Variants in HCFC1 observed in about 807,000 individuals in gnomAD.
HCFC1 encodes host cell factor 1.
HCFC1 carries 7 observed loss-of-function variants against 105.5 expected under a neutral mutation model. The observed-to-expected ratio is 0.07, with a 90% CI of 0.04 to 0.12. The LOEUF (loss-of-function observed/expected upper bound fraction) is 0.12, where lower values mean the gene tolerates loss of function less well. Ranked by LOEUF, HCFC1 falls within the 10% of genes least tolerant of loss-of-function variation. HCFC1 has a pLI of 1.00. For missense variants in HCFC1, 1,065 were observed against 1,823.6 expected, an observed-to-expected ratio of 0.58 and a Z score of 7.58; for synonymous variants, 918 against 828.1, an observed-to-expected ratio of 1.11 and a Z score of -1.86.
Position 153,951,481 on chromosome X carries a change from C to T in HCFC1, c.5386G>A (p.Asp1796Asn). 8.3e-7 allele frequency: 1 copy of T among 1,211,456 alleles called. No individual in the cohort carries two copies. The highest frequency in any genetic ancestry group is 1.1e-6 in the Non-Finnish European group (1 of 895,504). ...GCTTTGCTGGGTGGGGGCGGCAGGT[C>T]TGGCTTCTGCAAGACAGAATCGGTG... ...NGIESLGVKP[D>N]LPPPPSKAPM... The change falls in exon 22 of 26, where the codon GAC becomes AAC. Residue 1796 changes from aspartate (D) to asparagine (N), a missense_variant. By Grantham distance (23) the Asp-to-Asn change is conservative. This residue lies in a region of HCFC1 where 115 missense variants were observed against 143.7 expected (regional missense o/e 0.80). Transcript: ENST00000310441.
At chrX:153,956,465 C>G in intron 15 of HCFC1, 54 bp from the exon 16 acceptor site, 1 of 1,145,231 alleles carries the variant, frequency 8.7e-7, no homozygotes, top group South Asian at 1.9e-5. Flanking sequence ...TCCTTCCCAG[C>G]AGCTCCTCCT....
intron 1 of HCFC1, among the ~76,000 whole-genome samples, chrX:153,966,302 C>T (rs1376745700): frequency 1.8e-5 from 2 of 112,867 alleles, no homozygotes; most frequent in Non-Finnish European, 3.7e-5. Context: ...CCCCACCCCG[C>T]TCTCCAGCAC....
At chrX:153,951,513 G>A (rs782674465) in intron 21 of HCFC1, 26 bp from the exon 22 acceptor site, 2 of 1,210,935 alleles carry the variant, frequency 1.7e-6, no homozygotes, top group Admixed American at 2.2e-5. Context: ...GGTGCGACGA[G>A]ATCAGGCCCT....
rs139991100 is a variant in HCFC1 at position 153,961,847 on chromosome X, A to G, written c.798-199T>C. Among the ~76,000 whole-genome samples the G allele has an allele frequency of 3.2e-3, 355 of 111,812 alleles. 13 individuals are homozygous for G. The East Asian group carries it at 0.08, about 25-fold the overall frequency. ...GAGAACTGTGTCACCTCTACCACAT[A>G]AAAGTGCCGTTCAGCTCATCTAAAG... On this transcript the variant is annotated intron_variant, in intron 5 of 25. Transcript: ENST00000310441.
Position 153,964,599 on chromosome X carries a change from G to A in HCFC1, c.321C>T (p.Ser107=). The A allele has an allele frequency of 8.3e-7, 1 of 1,204,390 alleles. No homozygotes were observed. Among genetic ancestry groups the A allele is most frequent in the South Asian group, 1.8e-5 (1 of 54,935 alleles). Residue 107 remains serine, a synonymous_variant, in exon 2 of 26, where the codon AGC becomes AGT. Coordinates refer to ENST00000310441, the MANE Select transcript of HCFC1 (RefSeq NM_005334.3). ...FGGMVEYGKY[S]NDLYELQASR... is the part of the protein sequence containing the mutation. ...TTACCTGGAGTTCGTAGAGGTCATTGCTGTATTTCCCATACTCCACCATCC... is the reference window on the plus strand; with the variant it reads ...TTACCTGGAGTTCGTAGAGGTCATTACTGTATTTCCCATACTCCACCATCC...
rs868931206 is a variant in HCFC1 at position 153,954,714 on chromosome X, G to A, written c.3685C>T (p.Pro1229Ser). 3 of 1,192,397 alleles carry A rather than the reference G, an allele frequency of 2.5e-6. No homozygotes were observed. Among genetic ancestry groups the A allele is most frequent in the Non-Finnish European group, 3.4e-6 (3 of 886,093 alleles). Reference sequence around the variant, plus strand: ...ACCGCATGGCTGTGGCGCCCCGCAGGAAGGTCCTTAATGCTTGGGCTGCTC... The same window carrying A: ...ACCGCATGGCTGTGGCGCCCCGCAGAAAGGTCCTTAATGCTTGGGCTGCTC... ...RLSSPSIKDL[P>S]AGRHSHAVST... Residue 1229 changes from proline to serine, a missense_variant, in exon 17 of 26, where the codon CCT (proline) becomes TCT (serine). Physicochemically the swap from Pro to Ser is moderately conservative, Grantham distance 74. Transcript: ENST00000310441.
At chrX:153,951,097 A>C in intron 22 of HCFC1, 99 bp from the exon 23 acceptor site, 2 of 875,455 alleles carry the variant, frequency 2.3e-6, no homozygotes, top group Non-Finnish European at 3.3e-6. Flanking sequence ...GCCAGAGGGA[A>C]AAGAGGTCAG....
At chrX:153,969,801 G>A (rs1418456038) in intron 1 of HCFC1, 1 of 113,331 alleles carries the variant, frequency 8.8e-6, no homozygotes, top group Non-Finnish European at 1.9e-5. Flanking sequence ...AGAAGAGCGG[G>A]TGGGGTAACC....
chrX:153,968,626 A>G (rs2065494973), intron 1 of HCFC1, among the ~76,000 whole-genome samples: 1 of 112,553 alleles, frequency 8.9e-6, no homozygotes, highest in African/African-American at 3.2e-5. Flanking sequence ...GTCTTTGCAG[A>G]CTGGTAATGA....
Position 153,955,139 on chromosome X carries a change from G to C in HCFC1, c.3260C>G (p.Thr1087Ser), listed in dbSNP as rs782325371. ...NPPCETHETG[T>S]TNTATTATSN... ...GGTGGCGGTGGTGGCGGTGTTGGTG[G>C]TGCCCGTCTCGTGGGTCTCGCAGGG... Residue 1087 changes from threonine (T) to serine (S), a missense_variant, in exon 17 of 26, where the codon ACC (threonine) becomes AGC (serine). Transcript: ENST00000310441. 17 of 1,209,805 alleles carry C rather than the reference G, an allele frequency of 1.4e-5. No homozygotes were observed. Among genetic ancestry groups the C allele is most frequent in the Non-Finnish European group, 1.9e-5 (17 of 894,947 alleles).
Position 153,951,499 on chromosome X carries a change from A to C in HCFC1, c.5380-12T>G. 1 of 1,210,927 alleles carries C rather than the reference A, an allele frequency of 8.3e-7. No homozygotes were observed. ...GGCAGGTCTGGCTTCTGCAAGACAG[A>C]ATCGGTGCGACGAGATCAGGCCCTC... On this transcript the variant is annotated splice_polypyrimidine_tract_variant and intron_variant, in intron 21 of 25. Transcript: ENST00000310441.
In HCFC1 at chrX:153,955,415, G is replaced by C. The variant is rs781830478; in HGVS notation, c.2984C>G (p.Thr995Ser). The change falls in exon 17 of 26, where the codon ACC becomes AGC. Residue 995 changes from threonine to serine, a missense_variant. Coordinates refer to ENST00000310441, the MANE Select transcript of HCFC1 (RefSeq NM_005334.3). ...ATCACCCTGGCCTGAGTCGGCGATG[G>C]TAACTGTGGCGGTGGGCTGTTCTGT... ...PTTEQPTATV[T>S]IADSGQGDVQ... 5.5e-5 allele frequency: 66 copies of C among 1,210,163 alleles called. No homozygotes were observed. The highest frequency in any genetic ancestry group is 1.5e-4 in the Admixed American group (7 of 45,943).
In HCFC1 at chrX:153,950,734, GC is replaced by G. The variant is rs377247620; in HGVS notation, c.5703+78del. On this transcript the variant is annotated intron_variant, in intron 23 of 25. Transcript: ENST00000310441. ...GGGACTCAAAACCTAGCTCTCCTATGCCCCCCCCCGGCCACCTCATGTGCTG... is the reference window on the plus strand; with the variant it reads ...GGGACTCAAAACCTAGCTCTCCTATGCCCCCCCCGGCCACCTCATGTGCTG... 1,228 of 969,808 alleles carry G rather than the reference GC, an allele frequency of 1.3e-3. 2 individuals carry two copies. Among genetic ancestry groups the G allele is most frequent in the East Asian group, 1.7e-3 (54 of 31,584 alleles). The allele number at this position is 969,808 out of a possible 1,213,427, so 79.9% of individuals were successfully genotyped here. A position where few individuals can be genotyped will look rare whatever the true frequency, so the allele number is the denominator to read the frequency against.
At chrX:153,957,658 GAGC>G in intron 12 of HCFC1, 121 bp downstream of exon 12, 2 of 764,468 alleles carry the variant, frequency 2.6e-6, no homozygotes, top group Non-Finnish European at 3.9e-6. Flanking sequence ...CGAGGGGAGT[GAGC>G]AGCAGAACTT....
intron 1 of HCFC1, among the ~76,000 whole-genome samples, chrX:153,966,869 C>T (rs1201699341): frequency 2.7e-5 from 3 of 112,506 alleles, no homozygotes; most frequent in Non-Finnish European, 5.6e-5. Context: ...CTAAATGGCA[C>T]GTGGGGTCAG....
At position 153,971,666 on chromosome X, in the gene HCFC1, C is replaced by T. The variant is rs1032496082; in HGVS notation, c.-826G>A. ...CTTCCACTGCACACCAAACTCAAGG[C>T]GGTGTCCGATCCTCACTTCCCGCCT... On this transcript the variant is annotated 5_prime_UTR_variant, in exon 1 of 26. Coordinates refer to ENST00000310441, the MANE Select transcript of HCFC1 (RefSeq NM_005334.3). 7 of 296,197 alleles carry T rather than the reference C, an allele frequency of 2.4e-5. No individual in the cohort carries two copies. Among genetic ancestry groups the T allele is most frequent in the Non-Finnish European group, 2.9e-5 (5 of 169,791 alleles). The allele number at this position is 296,197 out of a possible 1,213,427, so 24.4% of individuals were successfully genotyped here.
chrX:153,959,347 T>C lies in HCFC1; in HGVS notation c.1589A>G (p.Gln530Arg). The C allele has an allele frequency of 8.3e-7, 1 of 1,206,899 alleles. No homozygotes were observed. Among genetic ancestry groups the C allele is most frequent in the Non-Finnish European group, 1.1e-6 (1 of 893,892 alleles). Residue 530 changes from glutamine (Q) to arginine (R), a missense_variant, in exon 9 of 26, where the codon CAG becomes CGG. Physicochemically the swap from Gln to Arg is conservative, Grantham distance 43. Around this residue, in one of 17 missense-constraint regions of HCFC1, gnomAD observed 101 missense variants for 155.1 expected, o/e 0.65. Transcript: ENST00000310441. ...PAGVRMVVPTQSAQGTVIGSS... is the reference protein window; with the variant it reads ...PAGVRMVVPTRSAQGTVIGSS... ...ACTCCTCACCGTTCCCTGGGCACTC[T>C]GTGTTGGCACAACCATCCGCACTCC...
In HCFC1 at chrX:153,971,167, C is replaced by T. The variant is rs1048567182; in HGVS notation, c.-327G>A. ...AGCTCGGGCGGGAGGCCCTGGGAGCCGCCATCTTGAGCCGCCTCTCTCTCC... is the reference window on the plus strand; with the variant it reads ...AGCTCGGGCGGGAGGCCCTGGGAGCTGCCATCTTGAGCCGCCTCTCTCTCC... On this transcript the variant is annotated 5_prime_UTR_variant, in exon 1 of 26. Transcript: ENST00000310441. 3 of 337,874 alleles carry T rather than the reference C, an allele frequency of 8.9e-6. No individual in the cohort carries two copies. The highest frequency in any genetic ancestry group is 1.8e-4 in the South Asian group (2 of 11,298). 27.8% of individuals were successfully genotyped at this position (337,874 alleles called of 1,213,427 possible).
At chrX:153,956,458 T>C (rs931192950) in intron 15 of HCFC1, 47 bp from the exon 16 acceptor site, 26 of 1,146,615 alleles carry the variant, frequency 2.3e-5, no homozygotes, top group Non-Finnish European at 3.1e-5. Context: ...TGCTGTCTCC[T>C]TCCCAGCAGC....
Sources: gnomAD v4.1 joint callset for allele counts (sites outside exome capture counted in the v4.1 genomes callset) on GRCh38, gnomAD v4.1.1 for gene constraint, gnomAD v4.1.1 regional missense constraint, MANE v1.5 for transcripts, NCBI Gene and HGNC (gene_info 2026-07-23, HGNC 2026-07-21) for gene names.